DNAH8: variants seen among roughly 807,000 people sequenced by gnomAD.
The protein encoded by DNAH8 is axonemal beta dynein heavy chain 8.
In DNAH8, 382 loss-of-function variants were observed where a neutral mutation model predicts 562.1. The observed-to-expected ratio is 0.68, with a 90% confidence interval of 0.63 to 0.74. DNAH8 has a LOEUF of 0.74. Ranked by LOEUF, DNAH8 falls within the 30% of genes least tolerant of loss-of-function variation. DNAH8 has a pLI of 0.00. For synonymous variants in DNAH8, 1,881 were observed against 1,919.4 expected, an observed-to-expected ratio of 0.98 and a Z score of 0.52; for missense variants, 5,203 against 5,620.4, an observed-to-expected ratio of 0.93 and a Z score of 2.37.
rs113909197 is a variant in DNAH8 at position 38,870,428 on chromosome 6, A to G, written c.6856A>G (p.Ser2286Gly). 3,760 of 1,613,942 alleles carry G rather than the reference A, an allele frequency of 2.3e-3. 8 individuals carry two copies. The highest frequency in any genetic ancestry group is 3.0e-3 in the Non-Finnish European group (3,533 of 1,179,876). Residue 2286 changes from serine to glycine, a missense_variant, in exon 49 of 93, where the codon AGC (serine) becomes GGC (glycine). Around this residue, in one of 6 missense-constraint regions of DNAH8, gnomAD observed 2,176 missense variants for 2,365.1 expected, o/e 0.92. Transcript: ENST00000327475. ...LVDEDEPLFL[S>G]LINDLFPGLQ... ...TGATGAAGATGAACCCCTGTTCCTCAGCTTAATCAATGACCTGTTCCCAGG... is the reference window on the plus strand; with the variant it reads ...TGATGAAGATGAACCCCTGTTCCTCGGCTTAATCAATGACCTGTTCCCAGG...
chr6:39,022,510 A>G (rs1384214701), intron 91 of DNAH8, among the ~76,000 whole-genome samples: 1 of 152,062 alleles, frequency 6.6e-6, no homozygotes, highest in Non-Finnish European at 1.5e-5. Flanking sequence ...GCAGGAGGCA[A>G]CACCCTGTCT....
intron 86 of DNAH8, 57 bp from the exon 87 acceptor site, chr6:38,984,149 G>A (rs979725250): frequency 1.9e-6 from 2 of 1,034,014 alleles, no homozygotes; most frequent in East Asian, 2.5e-5. Flanking sequence ...GACCCGAAAT[G>A]TTTATAATGA....
At chr6:38,971,716 CA>C (rs1561928926) in intron 83 of DNAH8, 51 bp downstream of exon 83, 2 of 1,391,928 alleles carry the variant, frequency 1.4e-6, no homozygotes, top group Non-Finnish European at 2.0e-6. Context: ...AGAAACCCCA[CA>C]ATCATGGATG....
chr6:38,774,388 T>C (rs1476444097), intron 12 of DNAH8, among the ~76,000 whole-genome samples: 1 of 152,044 alleles, frequency 6.6e-6, no homozygotes, highest in East Asian at 1.9e-4. Context: ...AGACTCTGCA[T>C]TGGTGGTGAG....
chr6:38,937,961 T>C lies in DNAH8; in HGVS notation c.11564-13T>C. 6.2e-7 allele frequency: 1 copy of C among 1,612,888 alleles called. No individual in the cohort carries two copies. Among genetic ancestry groups the C allele is most frequent in the South Asian group, 1.1e-5 (1 of 91,036 alleles). Reference sequence around the variant, plus strand: ...CGTCTTGTGTACTACGGTTTTCCTGTTTTGAATTTCAGGCTCATTGGTAGA... The same window carrying C: ...CGTCTTGTGTACTACGGTTTTCCTGCTTTGAATTTCAGGCTCATTGGTAGA... On this transcript the variant is annotated splice_polypyrimidine_tract_variant and intron_variant, in intron 77 of 92. Transcript: ENST00000327475.
intron 1 of DNAH8, among the ~76,000 whole-genome samples, chr6:38,719,527 C>T (rs557811372): frequency 6.6e-6 from 1 of 152,234 alleles, no homozygotes; most frequent in Admixed American, 6.5e-5. Context: ...GGATAATGGC[C>T]TCTAGCTGCA....
At chr6:38,738,569 A>C (rs1453729273) in intron 7 of DNAH8, among the ~76,000 whole-genome samples, 2 of 152,226 alleles carry the variant, frequency 1.3e-5, no homozygotes, top group African/African-American at 4.8e-5. Context: ...AAACAGAAAG[A>C]GGATTCTAGG....
chr6:38,819,323 G>A (rs1037577207), intron 26 of DNAH8, among the ~76,000 whole-genome samples: 13 of 152,142 alleles, frequency 8.5e-5, no homozygotes, highest in African/African-American at 1.9e-4. Context: ...GGCAGGGAAT[G>A]GGATTAGAGA....
At position 38,873,849 on chromosome 6, in the gene DNAH8, G is replaced by A. The variant is rs538065314; in HGVS notation, c.7620+473G>A. Among the ~76,000 whole-genome samples, 76 of 151,052 alleles carry A rather than the reference G, an allele frequency of 5.0e-4. 2 individuals carry two copies. The East Asian group carries it at 0.015, about 29-fold the overall frequency. Reference sequence around the variant, plus strand: ...AAGTAAATAAAAATAAATAAAGTTGGTAGCTTCGTGGGAAAGAACAGAAAG... The same window carrying A: ...AAGTAAATAAAAATAAATAAAGTTGATAGCTTCGTGGGAAAGAACAGAAAG... On this transcript the variant is annotated intron_variant, in intron 52 of 92. Transcript: ENST00000327475.
intron 87 of DNAH8, 134 bp from the exon 88 acceptor site, chr6:38,989,878 A>G (rs1287253688): frequency 6.9e-6 from 4 of 583,376 alleles, no homozygotes; most frequent in Admixed American, 3.2e-5. Context: ...TATCAGTAGT[A>G]TTGTTAAAGC....
In DNAH8 at chr6:38,937,252, G is replaced by A. The variant is rs138479435; in HGVS notation, c.11564-722G>A. Among the ~76,000 whole-genome samples the A allele has an allele frequency of 1.5e-3, 223 of 151,920 alleles. 1 individual carries two copies. The highest frequency in any genetic ancestry group is 5.1e-3 in the African/African-American group (212 of 41,424). ...GATAGCGTTAGGAGAAATACCTAAT[G>A]TAAATGACAAGTTGATGGGTGCAGC... On this transcript the variant is annotated intron_variant, in intron 77 of 92. Coordinates refer to ENST00000327475, the MANE Select transcript of DNAH8 (RefSeq NM_001206927.2).
At chr6:38,921,104 C>A (rs538282706) in intron 70 of DNAH8, among the ~76,000 whole-genome samples, 1 of 152,206 alleles carries the variant, frequency 6.6e-6, no homozygotes, top group Non-Finnish European at 1.5e-5. Context: ...TTTGCCCAGG[C>A]TGGTCTTGAA....
At chr6:38,913,738 TG>T in intron 66 of DNAH8, 110 bp from the exon 67 acceptor site, 1 of 608,832 alleles carries the variant, frequency 1.6e-6, no homozygotes, top group South Asian at 3.5e-5. Context: ...TACAATTTTG[TG>T]TTTGTTATAT....
At chr6:38,984,466 ACATG>A (rs1436902399) in intron 87 of DNAH8, 159 bp downstream of exon 87, 57 of 578,022 alleles carry the variant, frequency 9.9e-5, no homozygotes, top group Non-Finnish European at 1.6e-4. Context: ...ACACGCACAC[ACATG>A]CACACACACA....
intron 83 of DNAH8, among the ~76,000 whole-genome samples, chr6:38,972,718 C>A (rs1763425967): frequency 6.6e-6 from 1 of 152,146 alleles, no homozygotes; most frequent in Non-Finnish European, 1.5e-5. Context: ...GAAAACCAGA[C>A]ATGAGCAGGT....
chr6:38,850,868 T>C (rs1428910946), intron 38 of DNAH8, among the ~76,000 whole-genome samples: 1 of 152,174 alleles, frequency 6.6e-6, no homozygotes, highest in Non-Finnish European at 1.5e-5. Context: ...TATGACGACA[T>C]TTGTCACTGG....
At chr6:38,756,452 G>C (rs1231874278) in intron 10 of DNAH8, among the ~76,000 whole-genome samples, 2 of 151,858 alleles carry the variant, frequency 1.3e-5, no homozygotes, top group African/African-American at 4.8e-5. Flanking sequence ...AGCGCCGCAT[G>C]GTTAATTATT....
At chr6:38,970,085 A>G (rs959818030) in intron 82 of DNAH8, among the ~76,000 whole-genome samples, 3 of 152,192 alleles carry the variant, frequency 2.0e-5, no homozygotes, top group Non-Finnish European at 2.9e-5. Flanking sequence ...TACCTGGATC[A>G]AGCAACAACT....
chr6:38,730,253 G>A (rs140374545), intron 4 of DNAH8, among the ~76,000 whole-genome samples: 1 of 152,114 alleles, frequency 6.6e-6, no homozygotes, highest in East Asian at 1.9e-4. Context: ...GAATTTAATT[G>A]CATTTTCCCC....
Sources: allele counts gnomAD v4.1 joint callset (sites outside exome capture counted in the v4.1 genomes callset), GRCh38; gene constraint gnomAD v4.1.1; regional missense constraint gnomAD v4.1.1; transcripts MANE v1.5; gene names NCBI Gene and HGNC (gene_info 2026-07-23, HGNC 2026-07-21).